The following KPNA4 variants were observed in gnomAD, a reference collection of about 807,000 sequenced individuals.
KPNA4 encodes the protein importin subunit alpha-3.
In KPNA4, 13 loss-of-function variants were observed where a neutral mutation model predicts 71.3. That is an observed-to-expected ratio of 0.18 (90% confidence interval 0.12 to 0.29). KPNA4 has a LOEUF of 0.29. Ranked by LOEUF, KPNA4 falls within the 10% of genes least tolerant of loss-of-function variation. The probability of loss-of-function intolerance (pLI) is 1.00; values close to 1 mark genes in which losing one functional copy is unlikely to be tolerated. For missense variants in KPNA4, 334 were observed against 603.2 expected (o/e 0.55, Z 4.67); for synonymous variants, 189 against 195.2 (o/e 0.97, Z 0.26).
chr3:160,513,019 T>A (rs1235763554), intron 13 of KPNA4, among the ~76,000 whole-genome samples: 1 of 152,154 alleles, frequency 6.6e-6, no homozygotes, highest in African/African-American at 2.4e-5. Context: ...AACCATCAGC[T>A]GGAATAGGCT....
chr3:160,504,304 T>G (rs893412435), intron 16 of KPNA4, among the ~76,000 whole-genome samples: 3 of 152,200 alleles, frequency 2.0e-5, no homozygotes, highest in African/African-American at 7.2e-5. Context: ...AAAGACTTAT[T>G]CTTTGAAAAG....
At position 160,521,842 on chromosome 3, in the gene KPNA4, T is replaced by C. The variant is rs1254818858; in HGVS notation, c.840A>G (p.Val280=). The C allele has an allele frequency of 2.5e-6, 4 of 1,612,970 alleles. No homozygotes were observed. The African/African-American group carries it at 4.0e-5, about 16-fold the overall frequency. ...TDAGNEQIQM[V]IDSGIVPHLV... is the part of the protein sequence containing the mutation. ...AATGAGGAACTATTCCAGAGTCTAT[T>C]ACCATCTGTATTTGTTCATTGCCAG... The change falls in exon 11 of 17, where the codon GTA becomes GTG. Residue 280 remains valine, a synonymous_variant. Coordinates refer to ENST00000334256, the MANE Select transcript of KPNA4 (RefSeq NM_002268.5).
chr3:160,511,548 GA>G (rs535223151), intron 13 of KPNA4, among the ~76,000 whole-genome samples: 1 of 149,546 alleles, frequency 6.7e-6, no homozygotes, highest in African/African-American at 2.4e-5. Flanking sequence ...CAAGGAATAA[GA>G]AAAAAAAACA....
intron 1 of KPNA4, among the ~76,000 whole-genome samples, chr3:160,540,795 T>C (rs991296961): frequency 6.6e-6 from 1 of 152,224 alleles, no homozygotes; most frequent in East Asian, 1.9e-4. Context: ...CAGAGAGCTA[T>C]ATAAAGGACA....
rs549377745 is a variant in KPNA4 at position 160,526,941 on chromosome 3, TAGAA to T, written c.557-838_557-835del. Among the ~76,000 whole-genome samples, 28 of 152,304 alleles carry T rather than the reference TAGAA, an allele frequency of 1.8e-4. No individual in the cohort carries two copies. In the East Asian group the frequency reaches 5.4e-3, roughly 29 times the overall value. ...GCAAAAGAGTGAGGGAGTCTGGATA[TAGAA>T]ACAATAGCATTCCTAATAGTATAAA... On this transcript the variant is annotated intron_variant, in intron 8 of 16. Coordinates refer to ENST00000334256, the MANE Select transcript of KPNA4 (RefSeq NM_002268.5).
Position 160,498,430 on chromosome 3 carries a change from CTG to C in KPNA4, c.*3672_*3673del, listed in dbSNP as rs1243857990. On this transcript the variant is annotated 3_prime_UTR_variant, in exon 17 of 17. Transcript: ENST00000334256. ...TACTCCATATAACCCCCTCCCTTGA[CTG>C]TGAACAGGATCTTTGAATATGATGC... 1 of 152,240 alleles carries C rather than the reference CTG, an allele frequency of 6.6e-6. No individual in the cohort carries two copies. The highest frequency in any genetic ancestry group is 6.5e-5 in the Admixed American group (1 of 15,286). 9.4% of individuals were successfully genotyped at this position (152,240 alleles called of 1,614,324 possible). A position where few individuals can be genotyped will look rare whatever the true frequency, so the allele number is the denominator to read the frequency against.
chr3:160,535,786 AAT>A lies in KPNA4; in HGVS notation c.204+20_204+21del, dbSNP rs753753044. On this transcript the variant is annotated intron_variant, in intron 3 of 16. Transcript: ENST00000334256. ...TTCACTCGTACTTTTAAGTTACCAG[AAT>A]AACAATAACAATGACTTACCACTCT... The A allele has an allele frequency of 6.4e-7, 1 of 1,556,990 alleles. No individual in the cohort carries two copies. The highest frequency in any genetic ancestry group is 2.3e-5 in the Admixed American group (1 of 43,472).
At chr3:160,525,745 G>T in intron 10 of KPNA4, 55 bp downstream of exon 10, 1 of 1,149,338 alleles carries the variant, frequency 8.7e-7, no homozygotes, top group Non-Finnish European at 1.2e-6. Context: ...CACAGGGGAA[G>T]CCCTAGAAAT....
intron 1 of KPNA4, among the ~76,000 whole-genome samples, chr3:160,543,278 T>A (rs1004582780): frequency 1.3e-5 from 2 of 152,328 alleles, no homozygotes; most frequent in Admixed American, 6.5e-5. Flanking sequence ...TTTACGGGTA[T>A]TAATTCCTTC....
chr3:160,522,098 A>G (rs1221324203), intron 10 of KPNA4, among the ~76,000 whole-genome samples, 188 bp from the exon 11 acceptor site: 1 of 152,250 alleles, frequency 6.6e-6, no homozygotes, highest in Non-Finnish European at 1.5e-5. Flanking sequence ...ACTAAGACGT[A>G]CATCTTTTAG....
At chr3:160,553,719 AC>A (rs1299064754) in intron 1 of KPNA4, among the ~76,000 whole-genome samples, 1 of 152,194 alleles carries the variant, frequency 6.6e-6, no homozygotes, top group Non-Finnish European at 1.5e-5. Context: ...TATTAAACTT[AC>A]CTAATGGCAA....
chr3:160,536,281 CA>C (rs1721691840), intron 2 of KPNA4, among the ~76,000 whole-genome samples: 1 of 151,950 alleles, frequency 6.6e-6, no homozygotes, highest in Non-Finnish European at 1.5e-5. Context: ...CACCTAAAAG[CA>C]AAGTCAAAGC....
Position 160,516,923 on chromosome 3 carries a change from A to C in KPNA4, c.904-1343T>G, listed in dbSNP as rs140755363. Among the ~76,000 whole-genome samples, 15 of 152,190 alleles carry C rather than the reference A, an allele frequency of 9.9e-5. No individual in the cohort carries two copies. In the East Asian group the frequency reaches 2.9e-3, roughly 29 times the overall value. ...GTTAAGTAAAGCTTTTTACTCCTCT[A>C]ATTTTCCTTTCTACATGACAAATGA... is the stretch of plus-strand genomic sequence containing the variant. On this transcript the variant is annotated intron_variant, in intron 11 of 16. Coordinates refer to ENST00000334256, the MANE Select transcript of KPNA4 (RefSeq NM_002268.5).
chr3:160,539,240 A>G (rs902206335), intron 1 of KPNA4, among the ~76,000 whole-genome samples: 5 of 152,114 alleles, frequency 3.3e-5, no homozygotes, highest in Non-Finnish European at 7.4e-5. Context: ...ATACTATGCA[A>G]CTTTATTTGG....
At position 160,499,103 on chromosome 3, in the gene KPNA4, C is replaced by A. The variant is rs1287593110; in HGVS notation, c.*3001G>T. On this transcript the variant is annotated 3_prime_UTR_variant, in exon 17 of 17. Transcript: ENST00000334256. ...GTAAGCCTAAACTAAATGATACACT[C>A]CCTCTCCCCAAAATTATTCTAGATC... The A allele has an allele frequency of 6.6e-6, 1 of 152,110 alleles. No individual in the cohort carries two copies. The highest frequency in any genetic ancestry group is 1.9e-4 in the East Asian group (1 of 5,202). The allele number at this position is 152,110 out of a possible 1,614,324, so 9.4% of individuals were successfully genotyped here. A position where few individuals can be genotyped will look rare whatever the true frequency, so the allele number is the denominator to read the frequency against.
chr3:160,522,963 A>C (rs1264608009), intron 10 of KPNA4, among the ~76,000 whole-genome samples: 1 of 152,158 alleles, frequency 6.6e-6, no homozygotes, highest in Non-Finnish European at 1.5e-5. Flanking sequence ...TTTAAGTACA[A>C]CAGGCCATGT....
chr3:160,552,148 T>C (rs1722053064), intron 1 of KPNA4, among the ~76,000 whole-genome samples: 1 of 152,002 alleles, frequency 6.6e-6, no homozygotes, highest in African/African-American at 2.4e-5. Flanking sequence ...TTTGGAAAAA[T>C]GTACACATGA....
At chr3:160,507,558 T>C (rs1258025726) in intron 15 of KPNA4, among the ~76,000 whole-genome samples, 1 of 151,532 alleles carries the variant, frequency 6.6e-6, no homozygotes, top group Non-Finnish European at 1.5e-5. Flanking sequence ...TCCAGCTTTG[T>C]CTCTTCATAG....
chr3:160,502,265 T>C, intron 16 of KPNA4, 63 bp from the exon 17 acceptor site: 1 of 795,938 alleles, frequency 1.3e-6, no homozygotes, highest in Non-Finnish European at 1.9e-6. Context: ...AACAGTATTA[T>C]AGTACTAATC....
Sources: gnomAD v4.1 joint callset for allele counts (sites outside exome capture counted in the v4.1 genomes callset) on GRCh38, gnomAD v4.1.1 for gene constraint, MANE v1.5 for transcripts, NCBI Gene and HGNC (gene_info 2026-07-23, HGNC 2026-07-21) for gene names.